Variants in ZC3H4 observed in about 807,000 individuals in gnomAD.
The protein encoded by ZC3H4 is zinc finger CCCH domain-containing protein 4.
Under a neutral mutation model 108.3 loss-of-function variants are expected in ZC3H4, and 13 were observed. That is an observed-to-expected ratio of 0.12 (90% CI 0.08 to 0.19). ZC3H4 has a LOEUF of 0.19. Ranked by LOEUF, ZC3H4 falls within the 10% of genes least tolerant of loss-of-function variation. The pLI is 1.00. For missense variants in ZC3H4, 1,734 were observed against 1,838.8 expected, an observed-to-expected ratio of 0.94 and a Z score of 1.04; for synonymous variants, 917 against 749.6, an observed-to-expected ratio of 1.22 and a Z score of -3.65.
chr19:47,074,035 T>C (rs1480476278), intron 11 of ZC3H4, among the ~76,000 whole-genome samples: 3 of 152,102 alleles, frequency 2.0e-5, no homozygotes, highest in Admixed American at 6.5e-5. Flanking sequence ...GGCAGCTTCA[T>C]TTCCTCCCAC....
At chr19:47,079,759 C>T (rs1185774628) in intron 11 of ZC3H4, among the ~76,000 whole-genome samples, 3 of 152,124 alleles carry the variant, frequency 2.0e-5, no homozygotes, top group African/African-American at 7.2e-5. Context: ...CAGCGGCATG[C>T]GCCTGTAGTC....
In ZC3H4 at chr19:47,067,650, T is replaced by G; in HGVS notation, c.2618A>C (p.His873Pro). The change falls in exon 15 of 15, where the codon CAT becomes CCT. Residue 873 changes from histidine to proline, a missense_variant. Around this residue, in one of 9 missense-constraint regions of ZC3H4, gnomAD observed 540 missense variants for 484.1 expected, o/e 1.12. Coordinates refer to ENST00000253048, the MANE Select transcript of ZC3H4 (RefSeq NM_015168.2). The surrounding 1 kb of genome is among the most constrained non-coding windows in gnomAD (Gnocchi z 6.4). ...GCCAGACCCGCCAGAAGCCTCCACATGGCGGGTGAGTCTGGGGTCCCGGCT... is the reference window on the plus strand; with the variant it reads ...GCCAGACCCGCCAGAAGCCTCCACAGGGCGGGTGAGTCTGGGGTCCCGGCT... Reference protein sequence around the residue: ...RLSRDPRLTRHVEASGGSGPG... With the variant: ...RLSRDPRLTRPVEASGGSGPG... 6.2e-7 allele frequency: 1 copy of G among 1,603,934 alleles called. No homozygotes were observed.
chr19:47,067,752 A>C lies in ZC3H4; in HGVS notation c.2516T>G (p.Leu839Arg), dbSNP rs779661286. 2 of 1,609,044 alleles carry C rather than the reference A, an allele frequency of 1.2e-6. No individual in the cohort carries two copies. Among genetic ancestry groups the C allele is most frequent in the Non-Finnish European group, 8.5e-7 (1 of 1,178,840 alleles). The change falls in exon 15 of 15, where the codon CTG becomes CGG. Residue 839 changes from leucine (L) to arginine (R), a missense_variant. Physicochemically the swap from Leu to Arg is moderately radical, Grantham distance 102. Transcript: ENST00000253048. This position sits in a 1 kb window ranked among gnomAD's most constrained non-coding sequence, Gnocchi z 6.4. ...SSRPPASVGE[L>R]SSSGLGDPRL... ...GGGGTCCCCCAGCCCACTGCTGCTCAGCTCCCCAACTGAAGCCGGGGGTCG... is the reference window on the plus strand; with the variant it reads ...GGGGTCCCCCAGCCCACTGCTGCTCCGCTCCCCAACTGAAGCCGGGGGTCG...
In ZC3H4 at chr19:47,067,635, C is replaced by A; in HGVS notation, c.2633G>T (p.Gly878Val). 6.2e-7 allele frequency: 1 copy of A among 1,604,770 alleles called. No individual in the cohort carries two copies. The change falls in exon 15 of 15, where the codon GGC (glycine) becomes GTC (valine). Residue 878 changes from glycine (G) to valine (V), a missense_variant. Gly to Val is a moderately radical substitution (Grantham distance 109). Around this residue, in one of 9 missense-constraint regions of ZC3H4, gnomAD observed 540 missense variants for 484.1 expected, o/e 1.12. Coordinates refer to ENST00000253048, the MANE Select transcript of ZC3H4 (RefSeq NM_015168.2). This position sits in a 1 kb window ranked among gnomAD's most constrained non-coding sequence, Gnocchi z 6.4. The part of the protein sequence containing the change: ...PRLTRHVEAS[G>V]GSGPGDSGPS... ...TCCCGAATCACCTGGGCCAGACCCG[C>A]CAGAAGCCTCCACATGGCGGGTGAG...
Position 47,072,166 on chromosome 19 carries a change from G to A in ZC3H4, c.1803-45C>T, listed in dbSNP as rs1284732065. 4.1e-6 allele frequency: 6 copies of A among 1,476,728 alleles called. No individual in the cohort carries two copies. In the East Asian group the frequency reaches 1.5e-4, roughly 36 times the overall value. The allele number at this position is 1,476,728 out of a possible 1,614,324, so 91.5% of individuals were successfully genotyped here. A position where few individuals can be genotyped will look rare whatever the true frequency, so the allele number is the denominator to read the frequency against. The stretch of plus-strand genomic sequence containing the variant: ...CCTGTGACGGAAGCTGCCGAGGAGG[G>A]CAGTGGCCACACCCCAGAGGAGAGG... On this transcript the variant is annotated intron_variant, in intron 12 of 14. Transcript: ENST00000253048. The surrounding 1 kb of genome is among the most constrained non-coding windows in gnomAD (Gnocchi z 5.6).
chr19:47,088,302 C>T (rs987357358), intron 5 of ZC3H4, among the ~76,000 whole-genome samples: 11 of 152,092 alleles, frequency 7.2e-5, no homozygotes, highest in Non-Finnish European at 1.5e-4. Context: ...AATCCCAGCA[C>T]TTTGGGAGGC....
In ZC3H4 at chr19:47,093,952, T is replaced by C; in HGVS notation, c.492+18A>G. 6.2e-7 allele frequency: 1 copy of C among 1,607,736 alleles called. No homozygotes were observed. Among genetic ancestry groups the C allele is most frequent in the Non-Finnish European group, 8.5e-7 (1 of 1,174,468 alleles). On this transcript the variant is annotated intron_variant, in intron 4 of 14. Coordinates refer to ENST00000253048, the MANE Select transcript of ZC3H4 (RefSeq NM_015168.2). ...TCCTCCCGGCCCCAGAGCTCAGCAG[T>C]GCATGCCAGTCACTCACCGGCGCAT... is the stretch of plus-strand genomic sequence containing the variant.
chr19:47,078,399 G>A (rs867257844), intron 11 of ZC3H4, among the ~76,000 whole-genome samples: 2 of 151,128 alleles, frequency 1.3e-5, no homozygotes, highest in Middle Eastern at 3.2e-3. Flanking sequence ...CAGGAGAATC[G>A]CTTGAACCCA....
At chr19:47,108,002 A>T (rs958536865) in intron 2 of ZC3H4, among the ~76,000 whole-genome samples, 3 of 152,182 alleles carry the variant, frequency 2.0e-5, no homozygotes, top group African/African-American at 7.2e-5. Context: ...ACAAACTGGC[A>T]GCTTTTCCAT....
Position 47,090,502 on chromosome 19 carries a change from C to G in ZC3H4, c.493-313G>C, listed in dbSNP as rs113949211. On this transcript the variant is annotated intron_variant, in intron 4 of 14. Transcript: ENST00000253048. ...TTCCCAAGGATGCAGAGCAAGCGCA[C>G]GTGGAGGGGCCTGGGAAGCAGGCGG... Among the ~76,000 whole-genome samples, 947 of 152,228 alleles carry G rather than the reference C, an allele frequency of 6.2e-3. 7 individuals carry two copies. The highest frequency in any genetic ancestry group is 0.012 in the Non-Finnish European group (785 of 67,996).
At chr19:47,104,195 T>C (rs2057940360) in intron 2 of ZC3H4, among the ~76,000 whole-genome samples, 1 of 152,022 alleles carries the variant, frequency 6.6e-6, no homozygotes, top group Admixed American at 6.6e-5. Context: ...GGCGCACACC[T>C]GTAATCCCAA....
chr19:47,076,896 G>A (rs1340011503), intron 11 of ZC3H4, among the ~76,000 whole-genome samples: 1 of 152,168 alleles, frequency 6.6e-6, no homozygotes, highest in African/African-American at 2.4e-5. Flanking sequence ...AGGAGGCTGA[G>A]GCAGGAGAAT....
chr19:47,074,849 C>A (rs1376220081), intron 11 of ZC3H4, among the ~76,000 whole-genome samples: 2 of 152,188 alleles, frequency 1.3e-5, no homozygotes, highest in South Asian at 2.1e-4. Flanking sequence ...TTCCTCCAGG[C>A]GCCCTCATGT....
intron 10 of ZC3H4, 103 bp from the exon 11 acceptor site, chr19:47,081,725 A>G: frequency 9.6e-7 from 1 of 1,038,478 alleles, no homozygotes; most frequent in Non-Finnish European, 1.5e-6. Context: ...GAGATAAGAA[A>G]TCTGAGCCCA....
intron 8 of ZC3H4, among the ~76,000 whole-genome samples, 192 bp downstream of exon 8, chr19:47,084,864 C>A (rs555973221): frequency 3.2e-4 from 48 of 152,334 alleles, no homozygotes; most frequent in African/African-American, 1.0e-3. Context: ...GTTTTAAACA[C>A]AGGGTCTCAG....
intron 2 of ZC3H4, among the ~76,000 whole-genome samples, chr19:47,110,421 C>T (rs1225670091): frequency 1.3e-5 from 2 of 152,164 alleles, no homozygotes; most frequent in African/African-American, 4.8e-5. Flanking sequence ...TACAGTAACA[C>T]ACTTTTTTTT....
chr19:47,077,836 A>G (rs2057450262), intron 11 of ZC3H4, among the ~76,000 whole-genome samples: 1 of 151,532 alleles, frequency 6.6e-6, no homozygotes, highest in African/African-American at 2.4e-5. Context: ...CAGCCTGGGC[A>G]ACAAGAGCAA....
In ZC3H4 at chr19:47,094,090, CAG is replaced by C; in HGVS notation, c.382-12_382-11del. The stretch of plus-strand genomic sequence containing the variant: ...TAGAAGAAGCATGGCGCTGTAATGA[CAG>C]GGGAAGGAGACTCAGCAACCTGCCA... On this transcript the variant is annotated splice_polypyrimidine_tract_variant and intron_variant, in intron 3 of 14. Coordinates refer to ENST00000253048, the MANE Select transcript of ZC3H4 (RefSeq NM_015168.2). 6 of 1,613,146 alleles carry C rather than the reference CAG, an allele frequency of 3.7e-6. No individual in the cohort carries two copies. The highest frequency in any genetic ancestry group is 4.2e-6 in the Non-Finnish European group (5 of 1,179,182).
At chr19:47,087,551 A>G (rs2057653435) in intron 5 of ZC3H4, among the ~76,000 whole-genome samples, 1 of 151,780 alleles carries the variant, frequency 6.6e-6, no homozygotes, top group African/African-American at 2.4e-5. Context: ...CCTGGCCAAC[A>G]TAGCAAAACC....
Sources: allele counts gnomAD v4.1 joint callset (sites outside exome capture counted in the v4.1 genomes callset), GRCh38; gene constraint gnomAD v4.1.1; regional missense constraint gnomAD v4.1.1; non-coding constraint Gnocchi (gnomAD v3.1); transcripts MANE v1.5; gene names NCBI Gene and HGNC (gene_info 2026-07-23, HGNC 2026-07-21).